The following PTPN9 variants were observed in gnomAD, a reference collection of about 807,000 sequenced individuals.
PTPN9 encodes the protein tyrosine-protein phosphatase non-receptor type 9.
PTPN9 carries 26 observed loss-of-function variants against 69.8 expected under a neutral mutation model. The observed-to-expected ratio is 0.37, with a 90% confidence interval of 0.27 to 0.52. The LOEUF (loss-of-function observed/expected upper bound fraction) is 0.52. PTPN9 is among the 20% of genes least tolerant of loss of function. The pLI is 0.91. For missense variants in PTPN9, 549 were observed against 740.3 expected, an observed-to-expected ratio of 0.74 and a Z score of 3.00; for synonymous variants, 274 against 272.5, an observed-to-expected ratio of 1.01 and a Z score of -0.05.
At chr15:75,562,597 C>T (rs896936430) in intron 1 of PTPN9, among the ~76,000 whole-genome samples, 1 of 151,934 alleles carries the variant, frequency 6.6e-6, no homozygotes, top group East Asian at 1.9e-4. Flanking sequence ...TTTGGGAGGC[C>T]GAGGCGGGTG....
intron 1 of PTPN9, among the ~76,000 whole-genome samples, chr15:75,544,435 G>T (rs576206258): frequency 6.6e-6 from 1 of 152,258 alleles, no homozygotes; most frequent in Admixed American, 6.5e-5. Context: ...GAGGCTGAAG[G>T]GGGAGGATCA....
intron 9 of PTPN9, among the ~76,000 whole-genome samples, chr15:75,479,409 T>G (rs756912466): frequency 2.6e-5 from 4 of 152,166 alleles, no homozygotes; most frequent in Non-Finnish European, 4.4e-5. Context: ...GAGTGCTCTG[T>G]GATGGTATAG....
At chr15:75,480,604 GGCAGTGCGGAGCCGGGACAGTC>G in intron 8 of PTPN9, 1 of 1,115,996 alleles carries the variant, frequency 9.0e-7, no homozygotes, top group Non-Finnish European at 1.1e-6. Flanking sequence ...TGCGGCCTGG[GGCAGTGCGGAGCCGGGACAGTC>G]GCGGCGCTGA....
rs1831425167 is a variant in PTPN9, at chr15:75,469,968, T to C, written c.1391A>G (p.Gln464Arg). Residue 464 changes from glutamine to arginine, a missense_variant, in exon 12 of 13, where the codon CAG (glutamine) becomes CGG (arginine). This residue lies in a region of PTPN9 where 457 missense variants were observed against 661.9 expected (regional missense o/e 0.69). Coordinates refer to ENST00000618819, the MANE Select transcript of PTPN9 (RefSeq NM_002833.4). ...ACCATAGTCTGGCCAGCTCAAGAAC[T>C]GGAAGTGGGTCACCTGGCGTTTCTG... is the stretch of plus-strand genomic sequence containing the variant. ...ERQKRQVTHF[Q>R]FLSWPDYGVP... The C allele has an allele frequency of 6.2e-6, 10 of 1,613,818 alleles. No individual in the cohort carries two copies. The highest frequency in any genetic ancestry group is 2.7e-5 in the African/African-American group (2 of 74,922).
Position 75,578,894 on chromosome 15 carries a change from T to C in PTPN9, c.-118A>G. 1 of 658,234 alleles carries C rather than the reference T, an allele frequency of 1.5e-6. No individual in the cohort carries two copies. The highest frequency in any genetic ancestry group is 7.6e-5 in the South Asian group (1 of 13,110). 40.8% of individuals were successfully genotyped at this position (658,234 alleles called of 1,614,324 possible). A position where few individuals can be genotyped will look rare whatever the true frequency, so the allele number is the denominator to read the frequency against. ...CAGCCCGGGGCCGGCTCGCGCATAGTGTGGCCGGCAGGGCCCGGCGCCTGC... is the reference window on the plus strand; with the variant it reads ...CAGCCCGGGGCCGGCTCGCGCATAGCGTGGCCGGCAGGGCCCGGCGCCTGC... On this transcript the variant is annotated 5_prime_UTR_variant, in exon 1 of 13. Coordinates refer to ENST00000618819, the MANE Select transcript of PTPN9 (RefSeq NM_002833.4).
intron 7 of PTPN9, among the ~76,000 whole-genome samples, chr15:75,503,939 C>T (rs2074794544): frequency 8.8e-6 from 1 of 113,092 alleles, no homozygotes; most frequent in Non-Finnish European, 1.8e-5. Context: ...CCGCCCCGTC[C>T]GGGAGGTGAG....
Position 75,527,256 on chromosome 15 carries a change from G to C in PTPN9, c.69C>G (p.Thr23=). ...PELTPEEEQA[T]KQFLEEINKW... ...TGTTAATCTCTTCGAGAAACTGCTT[G>C]GTAGCCTGTTTGACAAAGAAAGAAA... is the stretch of plus-strand genomic sequence containing the variant. Residue 23 remains threonine, a synonymous_variant, in exon 2 of 13, where the codon ACC becomes ACG. Coordinates refer to ENST00000618819, the MANE Select transcript of PTPN9 (RefSeq NM_002833.4). 6.2e-7 allele frequency: 1 copy of C among 1,613,872 alleles called. No homozygotes were observed. Among genetic ancestry groups the C allele is most frequent in the Non-Finnish European group, 8.5e-7 (1 of 1,179,902 alleles).
rs937432274 is a variant in PTPN9 at position 75,578,629 on chromosome 15, A to G, written c.63+85T>C. The G allele has an allele frequency of 1.5e-4, 173 of 1,120,444 alleles. 1 individual carries two copies. In the South Asian group the frequency reaches 1.9e-3, roughly 12 times the overall value. 69.4% of individuals were successfully genotyped at this position (1,120,444 alleles called of 1,614,324 possible). A position where few individuals can be genotyped will look rare whatever the true frequency, so the allele number is the denominator to read the frequency against. The stretch of plus-strand genomic sequence containing the variant: ...CGGGGGGCTGCGGCCCCGTGGCTGC[A>G]AAGAGCCGGCACTCGGGAGGCAGAG... On this transcript the variant is annotated intron_variant, in intron 1 of 12. Transcript: ENST00000618819.
chr15:75,547,294 CAAAAAAAA>C (rs71140170), intron 1 of PTPN9, among the ~76,000 whole-genome samples: 2 of 60,034 alleles, frequency 3.3e-5, no homozygotes, highest in Admixed American at 4.3e-4. Flanking sequence ...GACTCTGTCT[CAAAAAAAA>C]AAAAAAAAAA....
rs2074524896 is a variant in PTPN9 at position 75,463,484 on chromosome 15, T to C, written c.*5285A>G. The C allele has an allele frequency of 6.6e-6, 1 of 152,106 alleles. No individual in the cohort carries two copies. Among genetic ancestry groups the C allele is most frequent in the South Asian group, 2.1e-4 (1 of 4,826 alleles). 9.4% of individuals were successfully genotyped at this position (152,106 alleles called of 1,614,324 possible). ...AGTCTGAGAGGGGCACTGTACCGTT[T>C]TTTCCAACACCCCCAGCTAGGATTC... On this transcript the variant is annotated 3_prime_UTR_variant, in exon 13 of 13. Coordinates refer to ENST00000618819, the MANE Select transcript of PTPN9 (RefSeq NM_002833.4).
chr15:75,495,311 A>T (rs2074733581), intron 7 of PTPN9, among the ~76,000 whole-genome samples: 1 of 152,176 alleles, frequency 6.6e-6, no homozygotes, highest in Non-Finnish European at 1.5e-5. Context: ...AAAGTTCTGA[A>T]AGTGAGGTCT....
intron 9 of PTPN9, among the ~76,000 whole-genome samples, chr15:75,475,503 C>T (rs1051823132): frequency 2.6e-5 from 4 of 151,938 alleles, no homozygotes; most frequent in African/African-American, 9.7e-5. Flanking sequence ...TGTTTGAACC[C>T]AGGAGGCGGA....
At position 75,482,615 on chromosome 15, in the gene PTPN9, C is replaced by T. The variant is rs557996135; in HGVS notation, c.1063-2701G>A. Among the ~76,000 whole-genome samples, 1,140 of 137,356 alleles carry T rather than the reference C, an allele frequency of 8.3e-3. 3 individuals carry two copies. Among genetic ancestry groups the T allele is most frequent in the African/African-American group, 0.029 (1,084 of 37,470 alleles). The allele number at this position is 137,356 out of a possible 152,430, so 90.1% of individuals were successfully genotyped here. A position where few individuals can be genotyped will look rare whatever the true frequency, so the allele number is the denominator to read the frequency against. On this transcript the variant is annotated intron_variant, in intron 8 of 12. Coordinates refer to ENST00000618819, the MANE Select transcript of PTPN9 (RefSeq NM_002833.4). ...AAGAGTCATCACCAATCCCTAATCT[C>T]AAGTAATCAGGGACACAAACACTGC...
chr15:75,491,132 G>A (rs1028261918), intron 7 of PTPN9, among the ~76,000 whole-genome samples: 3 of 151,984 alleles, frequency 2.0e-5, no homozygotes, highest in Non-Finnish European at 4.4e-5. Context: ...GCTGGGTGTG[G>A]TGGCTCATGC....
chr15:75,562,462 A>G (rs912509652), intron 1 of PTPN9, among the ~76,000 whole-genome samples: 11 of 152,152 alleles, frequency 7.2e-5, no homozygotes, highest in Non-Finnish European at 1.5e-4. Flanking sequence ...AGTGCACTGG[A>G]GACAGCAGTT....
At chr15:75,517,679 G>A (rs956151014) in intron 4 of PTPN9, among the ~76,000 whole-genome samples, 2 of 151,986 alleles carry the variant, frequency 1.3e-5, no homozygotes, top group Admixed American at 1.3e-4. Context: ...AACATATTCC[G>A]TACTCAACCC....
chr15:75,576,101 G>A (rs1452694044), intron 1 of PTPN9, among the ~76,000 whole-genome samples: 1 of 142,270 alleles, frequency 7.0e-6, no homozygotes, highest in Non-Finnish European at 1.6e-5. Context: ...ATGGTGGCAC[G>A]CACGCCTGAA....
intron 8 of PTPN9, among the ~76,000 whole-genome samples, chr15:75,482,832 G>A (rs1270317556): frequency 1.3e-5 from 2 of 151,720 alleles, no homozygotes; most frequent in African/African-American, 2.4e-5. Flanking sequence ...GCAGGCGCCT[G>A]TAGTCCCAGC....
At chr15:75,554,073 C>T (rs147102111) in intron 1 of PTPN9, among the ~76,000 whole-genome samples, 1 of 143,790 alleles carries the variant, frequency 7.0e-6, no homozygotes, top group African/African-American at 2.6e-5. Context: ...TGGAGTATTG[C>T]AGTGGCACAA....
Sources: allele counts gnomAD v4.1 joint callset (sites outside exome capture counted in the v4.1 genomes callset), GRCh38; gene constraint gnomAD v4.1.1; regional missense constraint gnomAD v4.1.1; transcripts MANE v1.5; gene names NCBI Gene and HGNC (gene_info 2026-07-23, HGNC 2026-07-21).